Variants in GRIP2 observed in about 807,000 individuals in gnomAD.
GRIP2 encodes the protein glutamate receptor interacting protein 2.
A neutral mutation model predicts 108.3 loss-of-function variants in GRIP2; 58 were observed. The observed-to-expected ratio is 0.54, with a 90% CI of 0.43 to 0.67. GRIP2 has a LOEUF of 0.67. Among genes scored for constraint, GRIP2 ranks in the 30% least tolerant of loss-of-function variants. GRIP2 has a pLI of 0.00. For synonymous variants in GRIP2, 586 were observed against 598.2 expected, an observed-to-expected ratio of 0.98 and a Z score of 0.30; for missense variants, 1,278 against 1,430.6, an observed-to-expected ratio of 0.89 and a Z score of 1.72.
intron 21 of GRIP2, among the ~76,000 whole-genome samples, chr3:14,499,758 A>G (rs1197431425): frequency 6.6e-6 from 1 of 152,132 alleles, no homozygotes; most frequent in East Asian, 1.9e-4. Context: ...AAAAAAGAAA[A>G]AAGAAAAAGA....
At chr3:14,540,367 C>T (rs913644221), upstream of GRIP2, 1 of 1,611,030 alleles carries the variant, frequency 6.2e-7, no homozygotes, top group Non-Finnish European at 8.5e-7. This position sits in a 1 kb window ranked among gnomAD's most constrained non-coding sequence, Gnocchi z 4.1. Flanking sequence ...CTGCTTGGCC[C>T]TCCCTCCCCT....
At chr3:14,530,037 T>C (rs1406304126) in intron 1 of GRIP2, among the ~76,000 whole-genome samples, 2 of 152,194 alleles carry the variant, frequency 1.3e-5, no homozygotes, top group Admixed American at 1.3e-4. Context: ...TTCAGAACCA[T>C]GGAGGTATTA....
intron 16 of GRIP2, 122 bp from the exon 17 acceptor site, chr3:14,510,086 T>C: frequency 1.1e-6 from 1 of 923,504 alleles, no homozygotes; most frequent in Non-Finnish European, 1.4e-6. Flanking sequence ...ACTCACGCTC[T>C]GATTTCATGT....
Position 14,503,579 on chromosome 3 carries a change from A to G in GRIP2, c.2666T>C (p.Leu889Pro). 1 of 1,610,252 alleles carries G rather than the reference A, an allele frequency of 6.2e-7. No individual in the cohort carries two copies. Among genetic ancestry groups the G allele is most frequent in the South Asian group, 1.1e-5 (1 of 89,940 alleles). Residue 889 changes from leucine to proline, a missense_variant, in exon 21 of 24, where the codon CTG becomes CCG. By Grantham distance (98) the Leu-to-Pro change is moderately conservative. Coordinates refer to ENST00000621039, the MANE Select transcript of GRIP2 (RefSeq NM_001080423.4). Reference protein sequence around the residue: ...DLESCGQSELLRELEASIMTG... With the variant: ...DLESCGQSELPRELEASIMTG... ...AGGCAGCCATACCTCCAGTTCCCTC[A>G]GCAGCTCTGACTGACCACATGACTC...
chr3:14,501,429 A>C (rs113777039), intron 21 of GRIP2, among the ~76,000 whole-genome samples: 2,786 of 152,350 alleles, frequency 0.018, 50 homozygotes, highest in South Asian at 0.053. Context: ...AGAGAGACTT[A>C]AGAGACATAA....
intron 1 of GRIP2, among the ~76,000 whole-genome samples, chr3:14,533,519 A>G (rs559831532): frequency 6.6e-6 from 1 of 152,314 alleles, no homozygotes; most frequent in African/African-American, 2.4e-5. Flanking sequence ...TGGAGCTGTG[A>G]GCCCTAATTG....
rs868063201 is a variant in GRIP2 at position 14,509,954 on chromosome 3, C to A, written c.1944G>T (p.Glu648Asp). 6.6e-7 allele frequency: 1 copy of A among 1,512,204 alleles called. No homozygotes were observed. 93.7% of individuals were successfully genotyped at this position (1,512,204 alleles called of 1,614,324 possible). A position where few individuals can be genotyped will look rare whatever the true frequency, so the allele number is the denominator to read the frequency against. The stretch of plus-strand genomic sequence containing the variant: ...CTGTGTAACTGACGGCACCTGTGGT[C>A]TCCAGCTCATCTGCAAGCACGGGGA... ...RKDEDNSDELETTGAVSYTVE... is the reference protein window; with the variant it reads ...RKDEDNSDELDTTGAVSYTVE... The change falls in exon 17 of 24, where the codon GAG becomes GAT. Residue 648 changes from glutamate to aspartate, a missense_variant. Transcript: ENST00000621039.
At chr3:14,558,410 T>C (rs1213392717), upstream of GRIP2, among the ~76,000 whole-genome samples, 2 of 152,162 alleles carry the variant, frequency 1.3e-5, no homozygotes, top group South Asian at 2.1e-4. Context: ...CAGAGCACGG[T>C]TGGGAGCTCT....
upstream of GRIP2, among the ~76,000 whole-genome samples, chr3:14,540,548 G>C (rs1166288407): frequency 6.6e-6 from 1 of 152,136 alleles, no homozygotes; most frequent in Non-Finnish European, 1.5e-5. This position sits in a 1 kb window ranked among gnomAD's most constrained non-coding sequence, Gnocchi z 4.1. Flanking sequence ...TGGACAGGGG[G>C]TCTTTGAAGG....
At chr3:14,527,632 G>A (rs1178478842) in intron 1 of GRIP2, among the ~76,000 whole-genome samples, 1 of 152,194 alleles carries the variant, frequency 6.6e-6, no homozygotes, top group Non-Finnish European at 1.5e-5. Flanking sequence ...GCTCACACCT[G>A]TAATCCCAGC....
the GRIP2 span, among the ~76,000 whole-genome samples, chr3:14,596,934 G>A: frequency 6.6e-6 from 1 of 152,164 alleles, no homozygotes; most frequent in African/African-American, 2.4e-5. Context: ...GTAGAAACAA[G>A]GTCTTGCCAT....
Position 14,523,675 on chromosome 3 carries a change from T to C in GRIP2, c.427A>G (p.Ile143Val). Residue 143 changes from isoleucine (I) to valine (V), a missense_variant, in exon 5 of 24, where the codon ATT becomes GTT. Coordinates refer to ENST00000621039, the MANE Select transcript of GRIP2 (RefSeq NM_001080423.4). The part of the protein sequence containing the change: ...PPAPENNPRI[I>V]SKTVDVSLYK... ...AGGGAGACGTCCACTGTCTTTGAAA[T>C]GATCCTGGGGTTATTCTCAGGAGCT... 1.2e-6 allele frequency: 2 copies of C among 1,611,826 alleles called. No homozygotes were observed. Among genetic ancestry groups the C allele is most frequent in the African/African-American group, 2.7e-5 (2 of 75,046 alleles).
Position 14,534,173 on chromosome 3 carries a change from G to A in GRIP2, c.40+6096C>T, listed in dbSNP as rs536791997. On this transcript the variant is annotated intron_variant, in intron 1 of 23. Transcript: ENST00000621039. ...TCTTTCACGAACATCCTCAGATGGG[G>A]GGGAACTGAGGCAGCATCCAAACCA... Among the ~76,000 whole-genome samples the A allele has an allele frequency of 2.6e-5, 4 of 152,328 alleles. No homozygotes were observed. In the East Asian group the frequency reaches 7.7e-4, roughly 29 times the overall value.
chr3:14,548,236 C>T (rs1374977393), intron 1 of GRIP2, among the ~76,000 whole-genome samples: 2 of 152,204 alleles, frequency 1.3e-5, no homozygotes, highest in Admixed American at 6.5e-5. Context: ...TGGCTAGGCA[C>T]GCAGGGCCGG....
At chr3:14,575,165 T>A in the GRIP2 span, among the ~76,000 whole-genome samples, 1 of 152,216 alleles carries the variant, frequency 6.6e-6, no homozygotes, top group Non-Finnish European at 1.5e-5. Context: ...TTACTTTTCA[T>A]TACTCTCTAC....
chr3:14,594,901 G>GCTA, the GRIP2 span, among the ~76,000 whole-genome samples: 10 of 151,934 alleles, frequency 6.6e-5, no homozygotes, highest in East Asian at 1.9e-3. Flanking sequence ...ATGGTTAGCT[G>GCTA]TTATTATTAT....
At position 14,505,635 on chromosome 3, in the gene GRIP2, A is replaced by C. The variant is rs370222047; in HGVS notation, c.2553T>G (p.Asp851Glu). The change falls in exon 20 of 24, where the codon GAT (aspartate) becomes GAG (glutamate). Residue 851 changes from aspartate to glutamate, a missense_variant. Physicochemically the swap from Asp to Glu is conservative, Grantham distance 45 (BLOSUM62 2). Coordinates refer to ENST00000621039, the MANE Select transcript of GRIP2 (RefSeq NM_001080423.4). The surrounding 1 kb of genome is among the most constrained non-coding windows in gnomAD (Gnocchi z 4.2). ...DESFPEEEEE[D>E]DWEPPTSPAP... ...CAGACCTCGTTGGCGGCTCCCAATC[A>C]TCCTCCTCCTCCTCCTCTGGAAAGC... 12 of 1,606,506 alleles carry C rather than the reference A, an allele frequency of 7.5e-6. No individual in the cohort carries two copies. Among genetic ancestry groups the C allele is most frequent in the South Asian group, 1.1e-5 (1 of 90,006 alleles).
chr3:14,545,281 A>C (rs985774225), upstream of GRIP2, among the ~76,000 whole-genome samples: 2 of 152,220 alleles, frequency 1.3e-5, no homozygotes, highest in African/African-American at 4.8e-5. Flanking sequence ...AGGGCCCAGA[A>C]AGGTAAAGCC....
At chr3:14,495,994 A>C (rs1350363412) in intron 22 of GRIP2, among the ~76,000 whole-genome samples, 1 of 151,958 alleles carries the variant, frequency 6.6e-6, no homozygotes, top group African/African-American at 2.4e-5. Flanking sequence ...AAAATACAAA[A>C]ATTAGCCAGG....
Sources: allele counts gnomAD v4.1 joint callset (sites outside exome capture counted in the v4.1 genomes callset), GRCh38; gene constraint gnomAD v4.1.1; non-coding constraint Gnocchi (gnomAD v3.1); transcripts MANE v1.5; gene names NCBI Gene and HGNC (gene_info 2026-07-23, HGNC 2026-07-21).